Variants in AKAP13 observed in about 807,000 individuals in gnomAD.
The protein encoded by AKAP13 is A-kinase anchoring protein 13, also known as A-kinase anchor protein 13.
In AKAP13, 80 loss-of-function variants were observed where a neutral mutation model predicts 264.5. The observed-to-expected ratio is 0.30, with a 90% CI of 0.25 to 0.36. The LOEUF (loss-of-function observed/expected upper bound fraction) is 0.36, where lower values mean the gene tolerates loss of function less well. Among genes scored for constraint, AKAP13 ranks in the 10% least tolerant of loss-of-function variants. AKAP13 has a pLI of 1.00. For synonymous variants in AKAP13, 1,380 were observed against 1,250.2 expected (o/e 1.10, Z -2.19); for missense variants, 3,712 against 3,435.2 (o/e 1.08, Z -2.01).
At chr15:85,469,931 G>A (rs551393775) in intron 1 of AKAP13, among the ~76,000 whole-genome samples, 28 of 152,184 alleles carry the variant, frequency 1.8e-4, no homozygotes, top group African/African-American at 6.5e-4. Context: ...TCAACCTCTC[G>A]CTACATGGGA....
At chr15:85,556,152 A>G (rs1051950938) in intron 5 of AKAP13, among the ~76,000 whole-genome samples, 1 of 152,232 alleles carries the variant, frequency 6.6e-6, no homozygotes, top group Non-Finnish European at 1.5e-5. Flanking sequence ...ATTAAGTCTC[A>G]GTTTCCACAC....
chr15:85,483,253 G>A (rs934102659), intron 1 of AKAP13, among the ~76,000 whole-genome samples: 4 of 152,196 alleles, frequency 2.6e-5, no homozygotes, highest in South Asian at 2.1e-4. Context: ...CTCTAATCCA[G>A]GCTTGTCCAA....
At chr15:85,608,137 TC>T (rs2080435523) in intron 8 of AKAP13, among the ~76,000 whole-genome samples, 1 of 93,750 alleles carries the variant, frequency 1.1e-5, no homozygotes, top group African/African-American at 3.7e-5. Context: ...CTAGAGCTAT[TC>T]TTTTTTTGAA....
chr15:85,442,507 A>AT (rs1296892874), intron 1 of AKAP13, among the ~76,000 whole-genome samples: 74 of 112,656 alleles, frequency 6.6e-4, no homozygotes, highest in Non-Finnish European at 1.2e-3. Flanking sequence ...ATTATATTAT[A>AT]TATAATATAT....
At chr15:85,418,067 CATTATTATT>C (rs34170000) in intron 1 of AKAP13, among the ~76,000 whole-genome samples, 1 of 133,910 alleles carries the variant, frequency 7.5e-6, no homozygotes, top group Non-Finnish European at 1.5e-5. Context: ...TTATTATTAT[CATTATTATT>C]ATTATTATTA....
At position 85,399,538 on chromosome 15, in the gene AKAP13, ATAAAT is replaced by A. The variant is rs1477500485; in HGVS notation, c.-12+18741_-12+18745del. On this transcript the variant is annotated intron_variant, in intron 1 of 36. Coordinates refer to ENST00000394518, the MANE Select transcript of AKAP13 (RefSeq NM_007200.5). ...AAAAAAAAAATAAAAAAATAAAAAA[ATAAAT>A]AAATAAATAAATAAAGTTTTAGATG... Among the ~76,000 whole-genome samples, 157 of 104,872 alleles carry A rather than the reference ATAAAT, an allele frequency of 1.5e-3. 1 individual carries two copies. The highest frequency in any genetic ancestry group is 4.6e-3 in the Middle Eastern group (1 of 216). 68.8% of individuals were successfully genotyped at this position (104,872 alleles called of 152,430 possible). A position where few individuals can be genotyped will look rare whatever the true frequency, so the allele number is the denominator to read the frequency against.
intron 2 of AKAP13, among the ~76,000 whole-genome samples, chr15:85,503,678 T>C (rs1257234736): frequency 6.6e-6 from 1 of 152,126 alleles, no homozygotes; most frequent in Non-Finnish European, 1.5e-5. Context: ...ATAGTATGTA[T>C]TAGATCAGGT....
chr15:85,585,868 C>T (rs543132389), intron 8 of AKAP13, 45 bp downstream of exon 8: 1 of 1,603,410 alleles, frequency 6.2e-7, no homozygotes, highest in Non-Finnish European at 8.5e-7. Context: ...ATGTGTTTAT[C>T]CTGTTCTGCT....
intron 5 of AKAP13, among the ~76,000 whole-genome samples, chr15:85,547,858 A>G (rs961060897): frequency 6.6e-6 from 1 of 152,104 alleles, no homozygotes; most frequent in Non-Finnish European, 1.5e-5. Flanking sequence ...AGAGTACCCA[A>G]AACATGTAGG....
intron 1 of AKAP13, among the ~76,000 whole-genome samples, chr15:85,433,047 T>A (rs923872809): frequency 3.2e-4 from 49 of 151,914 alleles, no homozygotes; most frequent in Non-Finnish European, 6.9e-4. Flanking sequence ...AAATAGTTTT[T>A]AAAATATTAA....
intron 1 of AKAP13, among the ~76,000 whole-genome samples, chr15:85,465,277 C>G (rs2074687592): frequency 6.6e-6 from 1 of 151,930 alleles, no homozygotes; most frequent in African/African-American, 2.4e-5. Flanking sequence ...TTTAACCTTG[C>G]TGTATATATC....
chr15:85,747,260 G>C lies in AKAP13; in HGVS notation c.*2583G>C, dbSNP rs2089398203. 2 of 152,262 alleles carry C rather than the reference G, an allele frequency of 1.3e-5. No homozygotes were observed. The allele number at this position is 152,262 out of a possible 1,614,324, so 9.4% of individuals were successfully genotyped here. A position where few individuals can be genotyped will look rare whatever the true frequency, so the allele number is the denominator to read the frequency against. ...CTTCCCCCCTTGGAAGTTGTCCTCA[G>C]GGGGATTTGTTCCTGTCCTGGGGAT... On this transcript the variant is annotated 3_prime_UTR_variant, in exon 37 of 37. Transcript: ENST00000394518.
Position 85,593,288 on chromosome 15 carries a change from G to T in AKAP13, c.4161+7465G>T, listed in dbSNP as rs149900912. ...GATTGCACCACTGCCCTCCAGCCTG[G>T]AAGGCAGAATGAGACTCTATCTCAA... On this transcript the variant is annotated intron_variant, in intron 8 of 36. Coordinates refer to ENST00000394518, the MANE Select transcript of AKAP13 (RefSeq NM_007200.5). Among the ~76,000 whole-genome samples, 962 of 152,184 alleles carry T rather than the reference G, an allele frequency of 6.3e-3. 11 individuals carry two copies. The highest frequency in any genetic ancestry group is 0.022 in the African/African-American group (902 of 41,526).
At chr15:85,607,453 T>C (rs2080402146) in intron 8 of AKAP13, among the ~76,000 whole-genome samples, 1 of 152,260 alleles carries the variant, frequency 6.6e-6, no homozygotes, top group Non-Finnish European at 1.5e-5. Flanking sequence ...ATTCATTTAT[T>C]GCTCACACCT....
At chr15:85,654,107 C>A (rs1388640978) in intron 10 of AKAP13, among the ~76,000 whole-genome samples, 1 of 152,262 alleles carries the variant, frequency 6.6e-6, no homozygotes, top group Non-Finnish European at 1.5e-5. Context: ...CAGGAAAGAG[C>A]ATCATCACTT....
intron 2 of AKAP13, among the ~76,000 whole-genome samples, chr15:85,489,640 G>A (rs534185609): frequency 1.3e-5 from 2 of 152,270 alleles, no homozygotes; most frequent in Admixed American, 1.3e-4. Context: ...ATCATTAGAA[G>A]GGAGAATATT....
rs1356885041 is a variant in AKAP13 at position 85,579,370 on chromosome 15, A to G, written c.1302A>G (p.Thr434=). The G allele has an allele frequency of 6.2e-7, 1 of 1,614,230 alleles. No homozygotes were observed. The highest frequency in any genetic ancestry group is 1.7e-5 in the Admixed American group (1 of 60,026). Reference sequence around the variant, plus strand: ...GAACAAAATCTTCTGGAATGCCCACAGACCAGGAGTCCCTGAGCAGTGGAG... The same window carrying G: ...GAACAAAATCTTCTGGAATGCCCACGGACCAGGAGTCCCTGAGCAGTGGAG... ...ETGTKSSGMP[T]DQESLSSGDA... The change falls in exon 7 of 37, where the codon ACA becomes ACG. Residue 434 remains threonine, a synonymous_variant. Coordinates refer to ENST00000394518, the MANE Select transcript of AKAP13 (RefSeq NM_007200.5).
chr15:85,620,216 GT>G, intron 8 of AKAP13: 2 of 1,527,190 alleles, frequency 1.3e-6, no homozygotes, highest in Non-Finnish European at 1.8e-6. Flanking sequence ...TCTGCAGGCT[GT>G]TTTAGCGCTT....
Position 85,743,479 on chromosome 15 carries a change from T to C in AKAP13, c.8059-13T>C, listed in dbSNP as rs777601184. 9 of 1,605,960 alleles carry C rather than the reference T, an allele frequency of 5.6e-6. No individual in the cohort carries two copies. The Admixed American group carries it at 1.5e-4, about 27-fold the overall frequency. ...AGCCTCCAAGTGAAAACCCTTCTCT[T>C]GAATATGTACAGGTTTCCCATCCAC... On this transcript the variant is annotated splice_polypyrimidine_tract_variant and intron_variant, in intron 35 of 36. Coordinates refer to ENST00000394518, the MANE Select transcript of AKAP13 (RefSeq NM_007200.5).
Sources: allele counts gnomAD v4.1 joint callset (sites outside exome capture counted in the v4.1 genomes callset), GRCh38; gene constraint gnomAD v4.1.1; transcripts MANE v1.5; gene names NCBI Gene and HGNC (gene_info 2026-07-23, HGNC 2026-07-21).